CACNB2: variants seen among roughly 807,000 people sequenced by gnomAD.
The protein encoded by CACNB2 is calcium voltage-gated channel auxiliary subunit beta 2, also known as voltage-dependent L-type calcium channel subunit beta-2.
CACNB2 carries 42 observed loss-of-function variants against 73.3 expected under a neutral mutation model. The ratio of observed to expected loss-of-function variants is 0.57; its 90% confidence interval spans 0.45 to 0.74. CACNB2 has a LOEUF of 0.74. Among genes scored for constraint, CACNB2 ranks in the 30% least tolerant of loss-of-function variants. The pLI is 0.00. For missense variants in CACNB2, 940 were observed against 853.0 expected, an observed-to-expected ratio of 1.10 and a Z score of -1.27; for synonymous variants, 348 against 310.3, an observed-to-expected ratio of 1.12 and a Z score of -1.28.
chr10:18,196,946 G>T (rs890501108), intron 2 of CACNB2, among the ~76,000 whole-genome samples: 2 of 151,980 alleles, frequency 1.3e-5, no homozygotes, highest in Non-Finnish European at 2.9e-5. Context: ...GTTGAATTCA[G>T]GATGCCCTGT....
rs780134367 is a variant in CACNB2 at position 18,539,717 on chromosome 10, G to A, written c.1976G>A (p.Arg659His). The A allele has an allele frequency of 1.2e-5, 19 of 1,603,824 alleles. No homozygotes were observed. The highest frequency in any genetic ancestry group is 2.2e-5 in the South Asian group (2 of 89,534). The change falls in exon 14 of 14, where the codon CGC becomes CAC. Residue 659 changes from arginine (R) to histidine (H), a missense_variant. By Grantham distance (29) the Arg-to-His change is conservative. Transcript: ENST00000324631. ...AGEWNRDVYI[R>H]Q is the part of the protein sequence containing the mutation. Reference sequence around the variant, plus strand: ...GAGTGGAACAGGGATGTTTACATCCGCCAATGAGTTTTGCCCGTTTGTGTT... The same window carrying A: ...GAGTGGAACAGGGATGTTTACATCCACCAATGAGTTTTGCCCGTTTGTGTT...
chr10:18,363,720 C>T (rs981861608), intron 2 of CACNB2, among the ~76,000 whole-genome samples: 1 of 151,750 alleles, frequency 6.6e-6, no homozygotes, highest in Non-Finnish European at 1.5e-5. Flanking sequence ...GTCTAACATA[C>T]TCATTATAGC....
intron 2 of CACNB2, among the ~76,000 whole-genome samples, chr10:18,329,378 CAAAAG>C (rs2040708366): frequency 6.6e-6 from 1 of 151,172 alleles, no homozygotes; most frequent in African/African-American, 2.4e-5. Flanking sequence ...GTTCCACAAA[CAAAAG>C]AAAAGTTCTT....
chr10:18,476,090 T>C (rs1181012988), intron 3 of CACNB2, among the ~76,000 whole-genome samples: 2 of 152,204 alleles, frequency 1.3e-5, no homozygotes, highest in African/African-American at 4.8e-5. Context: ...AAACAAGCAG[T>C]GGATTGTTCA....
intron 2 of CACNB2, among the ~76,000 whole-genome samples, chr10:18,192,047 GA>G (rs1175017329): frequency 2.6e-5 from 4 of 151,362 alleles, no homozygotes; most frequent in Non-Finnish European, 4.4e-5. Flanking sequence ...AAGTGAAATG[GA>G]AAGACTTGAG....
chr10:18,272,418 G>T (rs2038093856), intron 2 of CACNB2, among the ~76,000 whole-genome samples: 1 of 152,070 alleles, frequency 6.6e-6, no homozygotes, highest in Admixed American at 6.6e-5. Flanking sequence ...CTTCAGAGAG[G>T]GTGGATAATA....
chr10:18,253,057 T>G (rs1337937744), intron 2 of CACNB2, among the ~76,000 whole-genome samples: 3 of 152,216 alleles, frequency 2.0e-5, no homozygotes, highest in African/African-American at 2.4e-5. Flanking sequence ...ACTCTGCCAT[T>G]GCCTTGAGCA....
chr10:18,209,737 T>C (rs2131345967), intron 2 of CACNB2, among the ~76,000 whole-genome samples: 1 of 152,294 alleles, frequency 6.6e-6, no homozygotes, highest in African/African-American at 2.4e-5. Context: ...ATATGGTCTT[T>C]TTTGACTTTA....
chr10:18,255,765 G>A (rs376059833), intron 2 of CACNB2, among the ~76,000 whole-genome samples: 17 of 152,196 alleles, frequency 1.1e-4, no homozygotes, highest in Admixed American at 7.2e-4. Flanking sequence ...TATTTAAGCA[G>A]GTGTCTGTCA....
At chr10:18,270,739 C>A (rs2185981) in intron 2 of CACNB2, among the ~76,000 whole-genome samples, 10 of 152,058 alleles carry the variant, frequency 6.6e-5, no homozygotes, top group African/African-American at 2.4e-4. Context: ...TGCTTTTCCC[C>A]TATCATAACA....
intron 3 of CACNB2, among the ~76,000 whole-genome samples, chr10:18,467,210 ACT>A (rs2047940716): frequency 6.6e-6 from 1 of 152,102 alleles, no homozygotes; most frequent in African/African-American, 2.4e-5. Context: ...TTTTTTGAAA[ACT>A]CTGAAATAAT....
intron 3 of CACNB2, among the ~76,000 whole-genome samples, chr10:18,439,318 C>G (rs373921697): frequency 1.9e-4 from 29 of 152,286 alleles, no homozygotes; most frequent in African/African-American, 6.7e-4. Flanking sequence ...TCCATGCCAA[C>G]TCACCATCTC....
chr10:18,218,950 G>T (rs1036571478), intron 2 of CACNB2, among the ~76,000 whole-genome samples: 2 of 152,180 alleles, frequency 1.3e-5, no homozygotes, highest in African/African-American at 4.8e-5. Flanking sequence ...GATCTCTTGA[G>T]CCCAGGAGTT....
chr10:18,362,946 C>G (rs999330021), intron 2 of CACNB2, among the ~76,000 whole-genome samples: 3 of 151,976 alleles, frequency 2.0e-5, no homozygotes, highest in African/African-American at 7.2e-5. Context: ...AAAGGAAATG[C>G]AAGTAGAATG....
At chr10:18,527,116 C>T (rs772906278) in intron 9 of CACNB2, among the ~76,000 whole-genome samples, 8 of 151,654 alleles carry the variant, frequency 5.3e-5, no homozygotes, top group Non-Finnish European at 1.2e-4. Context: ...CGCGGTGGCT[C>T]ACACCTATAA....
At chr10:18,239,681 A>G (rs905683730) in intron 2 of CACNB2, among the ~76,000 whole-genome samples, 1 of 152,214 alleles carries the variant, frequency 6.6e-6, no homozygotes, top group African/African-American at 2.4e-5. Flanking sequence ...TCTAAGTTTC[A>G]TAGACAGTTG....
Position 18,499,546 on chromosome 10 carries a change from C to T in CACNB2, c.456+1069C>T, listed in dbSNP as rs188208408. On this transcript the variant is annotated intron_variant, in intron 4 of 13. Transcript: ENST00000324631. ...AGAAGAATAGCTTGAACCAGCGAGT[C>T]GGAGGTTGCAGTGAGCCGAGATTGC... is the stretch of plus-strand genomic sequence containing the variant. Among the ~76,000 whole-genome samples the T allele has an allele frequency of 4.7e-4, 67 of 142,810 alleles. 2 individuals are homozygous for T. Among genetic ancestry groups the T allele is most frequent in the Admixed American group, 4.3e-3 (57 of 13,344 alleles). 93.7% of individuals were successfully genotyped at this position (142,810 alleles called of 152,430 possible). A position where few individuals can be genotyped will look rare whatever the true frequency, so the allele number is the denominator to read the frequency against.
At chr10:18,267,272 C>T (rs2037853086) in intron 2 of CACNB2, among the ~76,000 whole-genome samples, 1 of 152,042 alleles carries the variant, frequency 6.6e-6, no homozygotes, top group African/African-American at 2.4e-5. Flanking sequence ...TTAAATTTGG[C>T]TTTAATTATA....
chr10:18,372,990 A>C (rs2042651141), intron 2 of CACNB2, among the ~76,000 whole-genome samples: 1 of 151,630 alleles, frequency 6.6e-6, no homozygotes, highest in African/African-American at 2.4e-5. Context: ...TTTTTATTTT[A>C]TTTTTTGTAG....
Sources: allele counts gnomAD v4.1 joint callset (sites outside exome capture counted in the v4.1 genomes callset), GRCh38; gene constraint gnomAD v4.1.1; transcripts MANE v1.5; gene names NCBI Gene and HGNC (gene_info 2026-07-23, HGNC 2026-07-21).